The following TNPO2 variants were observed in gnomAD, a reference collection of about 807,000 sequenced individuals.
The protein encoded by TNPO2 is transportin-2.
In TNPO2, 16 loss-of-function variants were observed where a neutral mutation model predicts 111.1. The ratio of observed to expected loss-of-function variants is 0.14; its 90% CI spans 0.10 to 0.22. The LOEUF (loss-of-function observed/expected upper bound fraction) is 0.22, where lower values mean the gene tolerates loss of function less well. Ranked by LOEUF, TNPO2 falls within the 10% of genes least tolerant of loss-of-function variation. The pLI is 1.00. For synonymous variants in TNPO2, 481 were observed against 475.8 expected, an observed-to-expected ratio of 1.01 and a Z score of -0.14; for missense variants, 530 against 1,173.7, an observed-to-expected ratio of 0.45 and a Z score of 8.01.
intron 13 of TNPO2, among the ~76,000 whole-genome samples, chr19:12,710,053 A>T (rs1450889988): frequency 6.6e-6 from 1 of 152,168 alleles, no homozygotes; most frequent in Non-Finnish European, 1.5e-5. Flanking sequence ...CTCCTGTAAC[A>T]AGTTTTATGT....
At chr19:12,704,731 G>A (rs1397256341) in intron 18 of TNPO2, among the ~76,000 whole-genome samples, 1 of 151,952 alleles carries the variant, frequency 6.6e-6, no homozygotes, top group Non-Finnish European at 1.5e-5. Context: ...TGCCCAGGCT[G>A]GAGTGCAGTG....
intron 5 of TNPO2, among the ~76,000 whole-genome samples, chr19:12,717,172 C>A (rs1599426744): frequency 6.9e-6 from 1 of 145,474 alleles, no homozygotes; most frequent in South Asian, 2.1e-4. Context: ...TTTAGCCACA[C>A]CCCCTCATTC....
chr19:12,712,936 A>T (rs1276555353), intron 10 of TNPO2, among the ~76,000 whole-genome samples: 1 of 152,138 alleles, frequency 6.6e-6, no homozygotes, highest in African/African-American at 2.4e-5. Flanking sequence ...CCCAGGCTGG[A>T]GTGCACTGGT....
At chr19:12,711,509 C>T in intron 11 of TNPO2, 44 bp downstream of exon 11, 2 of 1,613,826 alleles carry the variant, frequency 1.2e-6, no homozygotes, top group Non-Finnish European at 1.7e-6. Context: ...ACAGCCGCGA[C>T]ACCCACGCCC....
rs200550829 is a variant in TNPO2, at chr19:12,711,450, C to T, written c.963G>A (p.Glu321=). The T allele has an allele frequency of 1.6e-4, 255 of 1,613,870 alleles. No homozygotes were observed. The highest frequency in any genetic ancestry group is 6.3e-4 in the Admixed American group (38 of 60,002). The change falls in exon 12 of 26, where the codon GAG becomes GAA. Residue 321 remains glutamate, a synonymous_variant. Transcript: ENST00000425528. The part of the protein sequence containing the change: ...IDIILLKGDV[E]EDEAVPDSEQ... ...CACTGTCGGGGACAGCCTCATCCTC[C>T]TCCACATCCCCCTGGGGGACAGGCA... is the stretch of plus-strand genomic sequence containing the variant.
Position 12,705,702 on chromosome 19 carries a change from C to T in TNPO2, c.1735G>A (p.Asp579Asn). 1 of 1,514,494 alleles carries T rather than the reference C, an allele frequency of 6.6e-7. No individual in the cohort carries two copies. The highest frequency in any genetic ancestry group is 1.3e-5 in the South Asian group (1 of 77,930). The allele number at this position is 1,514,494 out of a possible 1,614,324, so 93.8% of individuals were successfully genotyped here. The change falls in exon 16 of 26, where the codon GAC (aspartate) becomes AAC (asparagine). Residue 579 changes from aspartate (D) to asparagine (N), a missense_variant. By Grantham distance (23) the Asp-to-Asn change is conservative (BLOSUM62 1). Around this residue, in one of 4 missense-constraint regions of TNPO2, gnomAD observed 183 missense variants for 481.0 expected, o/e 0.38. Coordinates refer to ENST00000425528, the MANE Select transcript of TNPO2 (RefSeq NM_001382241.1). The surrounding 1 kb of genome is among the most constrained non-coding windows in gnomAD (Gnocchi z 7.2). ...CTCACCTCCAGCAGGGGGAAGAGGTCCTTGTCTTCGTCCTTGAGCTCATTC... is the reference window on the plus strand; with the variant it reads ...CTCACCTCCAGCAGGGGGAAGAGGTTCTTGTCTTCGTCCTTGAGCTCATTC... ...KWNELKDEDK[D>N]LFPLLECLSS... is the part of the protein sequence containing the mutation.
In TNPO2 at chr19:12,700,331, C is replaced by T. The variant is rs919116371; in HGVS notation, c.*933G>A. The T allele has an allele frequency of 1.3e-4, 20 of 152,196 alleles. No individual in the cohort carries two copies. The highest frequency in any genetic ancestry group is 4.6e-4 in the African/African-American group (19 of 41,428). 9.4% of individuals were successfully genotyped at this position (152,196 alleles called of 1,614,324 possible). On this transcript the variant is annotated 3_prime_UTR_variant, in exon 26 of 26. Coordinates refer to ENST00000425528, the MANE Select transcript of TNPO2 (RefSeq NM_001382241.1). ...AACGGACTGCCCCTGAAGCTGCTTA[C>T]AGAGAGAGATGCTCGGGGTAGGTGC...
rs995102356 is a variant in TNPO2 at position 12,719,929 on chromosome 19, G to A, written c.100-593C>T. Among the ~76,000 whole-genome samples the A allele has an allele frequency of 1.3e-5, 2 of 151,132 alleles. No individual in the cohort carries two copies. Among genetic ancestry groups the A allele is most frequent in the Non-Finnish European group, 1.5e-5 (1 of 67,946 alleles). On this transcript the variant is annotated intron_variant, in intron 3 of 25. Coordinates refer to ENST00000425528, the MANE Select transcript of TNPO2 (RefSeq NM_001382241.1). The surrounding 1 kb of genome is among the most constrained non-coding windows in gnomAD (Gnocchi z 5.0). The stretch of plus-strand genomic sequence containing the variant: ...CTTAAAGTGGCAGCTACTAGTCAGC[G>A]ATCCCCACTAACAGGCCATGAAGAC...
At position 12,706,088 on chromosome 19, in the gene TNPO2, T is replaced by G. The variant is rs1031598878; in HGVS notation, c.1668+108A>C. ...GCGGGGCCGGGTCTGTCTGTCTGCC[T>G]GTCGAGGTCACGGCCACGTCCCTGG... On this transcript the variant is annotated intron_variant, in intron 15 of 25. Transcript: ENST00000425528. This position sits in a 1 kb window ranked among gnomAD's most constrained non-coding sequence, Gnocchi z 7.0. 7.8e-7 allele frequency: 1 copy of G among 1,284,994 alleles called. No individual in the cohort carries two copies. The highest frequency in any genetic ancestry group is 1.1e-6 in the Non-Finnish European group (1 of 937,180). The allele number at this position is 1,284,994 out of a possible 1,614,324, so 79.6% of individuals were successfully genotyped here.
In TNPO2 at chr19:12,702,202, CGGTACGTGGCGGGGCCTCTGGCA is replaced by C; in HGVS notation, c.2306-48_2306-26del. The C allele has an allele frequency of 6.3e-7, 1 of 1,595,388 alleles. No homozygotes were observed. The stretch of plus-strand genomic sequence containing the variant: ...CCTGCAACCCCGAGCGGCCCCGGGA[CGGTACGTGGCGGGGCCTCTGGCA>C]CAAGGCACCAAGCCCCGCCCCATGA... On this transcript the variant is annotated intron_variant, in intron 21 of 25. Transcript: ENST00000425528. The surrounding 1 kb of genome is among the most constrained non-coding windows in gnomAD (Gnocchi z 5.5).
chr19:12,702,996 T>G lies in TNPO2; in HGVS notation c.2210-78A>C. The G allele has an allele frequency of 7.7e-7, 1 of 1,299,868 alleles. No individual in the cohort carries two copies. Among genetic ancestry groups the G allele is most frequent in the Non-Finnish European group, 1.1e-6 (1 of 909,020 alleles). 80.5% of individuals were successfully genotyped at this position (1,299,868 alleles called of 1,614,324 possible). Reference sequence around the variant, plus strand: ...CAGGGGGCCGCCCCACCTCACTCACTACTCGCCCCAGTTCCAACTAGAGAC... The same window carrying G: ...CAGGGGGCCGCCCCACCTCACTCACGACTCGCCCCAGTTCCAACTAGAGAC... On this transcript the variant is annotated intron_variant, in intron 20 of 25. Transcript: ENST00000425528. This position sits in a 1 kb window ranked among gnomAD's most constrained non-coding sequence, Gnocchi z 5.5.
At chr19:12,710,578 C>T (rs1377330680) in intron 13 of TNPO2, 43 bp downstream of exon 13, 1 of 1,602,412 alleles carries the variant, frequency 6.2e-7, no homozygotes, top group Middle Eastern at 1.7e-4. Context: ...GCCAGCCCTA[C>T]AGTCTCATGC....
rs548589880 is a variant in TNPO2 at position 12,716,237 on chromosome 19, G to C, written c.326-498C>G. Reference sequence around the variant, plus strand: ...CTGAGCCTTACTGTGAGTCAACTCTGTTCCAGGCCCTGAGGCACAGCACAG... The same window carrying C: ...CTGAGCCTTACTGTGAGTCAACTCTCTTCCAGGCCCTGAGGCACAGCACAG... On this transcript the variant is annotated intron_variant, in intron 5 of 25. Transcript: ENST00000425528. Among the ~76,000 whole-genome samples the C allele has an allele frequency of 2.6e-5, 4 of 152,160 alleles. No individual in the cohort carries two copies. The South Asian group carries it at 8.3e-4, about 31-fold the overall frequency.
At position 12,711,280 on chromosome 19, in the gene TNPO2, A is replaced by C. The variant is rs759783323; in HGVS notation, c.1117+16T>G. The C allele has an allele frequency of 7.5e-6, 12 of 1,608,962 alleles. No homozygotes were observed. The highest frequency in any genetic ancestry group is 9.3e-6 in the Non-Finnish European group (11 of 1,176,726). On this transcript the variant is annotated intron_variant, in intron 12 of 25. Transcript: ENST00000425528. ...GGCTTGCCACCCCACCACCACCCCC[A>C]GGCAGGGGCACACACTCAAATTCCA...
chr19:12,720,505 G>T (rs948016214), intron 3 of TNPO2, among the ~76,000 whole-genome samples: 1 of 151,960 alleles, frequency 6.6e-6, no homozygotes, highest in Admixed American at 6.6e-5. Flanking sequence ...ATTTTTTGTA[G>T]AGATGGGGTC....
At chr19:12,703,676 G>T in intron 19 of TNPO2, 38 bp downstream of exon 19, 1 of 1,600,162 alleles carries the variant, frequency 6.2e-7, no homozygotes, top group Non-Finnish European at 8.5e-7. Context: ...TGAGGCCGGG[G>T]CTGGGGTCAT....
chr19:12,718,948 T>G, intron 5 of TNPO2, 81 bp downstream of exon 5: 1 of 1,554,122 alleles, frequency 6.4e-7, no homozygotes. Context: ...GCCAGAGCAT[T>G]CCATGAAGCA....
intron 12 of TNPO2, 122 bp downstream of exon 12, chr19:12,711,173 CG>C (rs1477740299): frequency 7.6e-7 from 1 of 1,315,436 alleles, no homozygotes; most frequent in Non-Finnish European, 1.1e-6. Context: ...GGATTACAGG[CG>C]TAAGCCACTG....
At chr19:12,708,518 A>C (rs2025840086) in intron 13 of TNPO2, among the ~76,000 whole-genome samples, 1 of 151,968 alleles carries the variant, frequency 6.6e-6, no homozygotes, top group South Asian at 2.1e-4. Flanking sequence ...AATCCAAGAC[A>C]CAAGATCTAT....
Sources: allele counts gnomAD v4.1 joint callset (sites outside exome capture counted in the v4.1 genomes callset), GRCh38; gene constraint gnomAD v4.1.1; regional missense constraint gnomAD v4.1.1; non-coding constraint Gnocchi (gnomAD v3.1); transcripts MANE v1.5; gene names NCBI Gene and HGNC (gene_info 2026-07-23, HGNC 2026-07-21).